Variants in JADE3 observed in about 807,000 individuals in gnomAD.
JADE3 encodes jade family PHD finger 3, also known as protein Jade-3.
A neutral mutation model predicts 50.1 loss-of-function variants in JADE3; 2 were observed. That is an observed-to-expected ratio of 0.04 (90% confidence interval 0.02 to 0.13). The LOEUF is 0.13. Among genes scored for constraint, JADE3 ranks in the 10% least tolerant of loss-of-function variants. JADE3 has a pLI of 1.00. For missense variants in JADE3, 475 were observed against 634.4 expected, an observed-to-expected ratio of 0.75 and a Z score of 2.70; for synonymous variants, 218 against 232.9, an observed-to-expected ratio of 0.94 and a Z score of 0.58.
intron 1 of JADE3, among the ~76,000 whole-genome samples, chrX:46,947,342 G>A (rs5906300): frequency 0.051 from 5,644 of 111,145 alleles, 201 homozygotes; most frequent in Admixed American, 0.15. Flanking sequence ...CTGAAACTGC[G>A]GTGTTCTTGT....
intron 1 of JADE3, among the ~76,000 whole-genome samples, chrX:46,923,718 C>A (rs782133942): frequency 9.0e-5 from 10 of 110,687 alleles, no homozygotes; most frequent in South Asian, 3.9e-4. Flanking sequence ...CTCCACCAGG[C>A]ACCAGAGATT....
chrX:47,043,309 A>C (rs1183392956), intron 8 of JADE3, among the ~76,000 whole-genome samples: 9 of 112,304 alleles, frequency 8.0e-5, no homozygotes, highest in Non-Finnish European at 1.7e-4. Context: ...ATGCCCAGAC[A>C]CTGATGAACA....
At chrX:47,032,051 A>G (rs149726444) in intron 6 of JADE3, among the ~76,000 whole-genome samples, 231 of 110,790 alleles carry the variant, frequency 2.1e-3, no homozygotes, top group Admixed American at 3.8e-3. Context: ...AGGTCCAACT[A>G]TGCAAACAAC....
intron 1 of JADE3, among the ~76,000 whole-genome samples, chrX:46,951,152 C>A (rs1362003592): frequency 2.8e-5 from 3 of 107,003 alleles, no homozygotes; most frequent in African/African-American, 1.0e-4. Flanking sequence ...AGTCTCGGCT[C>A]ACTGCAACCT....
At chrX:47,041,553 A>AT (rs1294894345) in intron 8 of JADE3, among the ~76,000 whole-genome samples, 5 of 107,600 alleles carry the variant, frequency 4.6e-5, no homozygotes, top group South Asian at 4.0e-4. Flanking sequence ...CATTTAAAAA[A>AT]TTTTTTTTTT....
Sources: allele counts gnomAD v4.1 joint callset (sites outside exome capture counted in the v4.1 genomes callset), GRCh38; gene constraint gnomAD v4.1.1; transcripts MANE v1.5; gene names NCBI Gene and HGNC (gene_info 2026-07-23, HGNC 2026-07-21).